Variants in LIPA observed in about 807,000 individuals in gnomAD.
LIPA encodes the protein lipase A, lysosomal acid type.
LIPA carries 26 observed loss-of-function variants against 40.6 expected under a neutral mutation model. The observed-to-expected ratio is 0.64, with a 90% CI of 0.47 to 0.89. The LOEUF is 0.89. LIPA is among the 40% of genes least tolerant of loss of function. LIPA has a pLI of 0.00. For missense variants in LIPA, 455 were observed against 479.6 expected, an observed-to-expected ratio of 0.95 and a Z score of 0.48; for synonymous variants, 188 against 168.4, an observed-to-expected ratio of 1.12 and a Z score of -0.90.
chr10:89,393,263 C>T lies in LIPA; in HGVS notation c.61+19528G>A. The T allele has an allele frequency of 7.0e-6, 9 of 1,289,732 alleles. No homozygotes were observed. In the South Asian group the frequency reaches 1.1e-4, roughly 16 times the overall value. The allele number at this position is 1,289,732 out of a possible 1,614,324, so 79.9% of individuals were successfully genotyped here. ...CTGGTCTCACTTTCTGCACTGCTGG[C>T]CTCTTACAACAGGTTTTCGCAATCA... is the stretch of plus-strand genomic sequence containing the variant. On this transcript the variant is annotated intron_variant, in intron 2 of 8. Transcript: ENST00000371837.
chr10:89,306,837 A>T, intron 1 of LIPA: 1 of 1,614,124 alleles, frequency 6.2e-7, no homozygotes, highest in Non-Finnish European at 8.5e-7. Context: ...TATAGGGCAA[A>T]AGTCTTCCAA....
intron 1 of LIPA, among the ~76,000 whole-genome samples, chr10:89,265,460 CAT>C (rs763740665): frequency 2.3e-4 from 35 of 152,376 alleles, no homozygotes; most frequent in Non-Finnish European, 4.4e-4. Flanking sequence ...AATCAGTAAA[CAT>C]ATCCTTTTGT....
rs1441159273 is a variant in LIPA, at chr10:89,267,722, A to C, written c.-1-20073T>G. 2.7e-5 allele frequency among the ~76,000 whole-genome samples: 3 copies of C among 110,854 alleles called. No individual in the cohort carries two copies. The Admixed American group carries it at 3.1e-4, about 11-fold the overall frequency. The allele number at this position is 110,854 out of a possible 152,430, so 72.7% of individuals were successfully genotyped here. A position where few individuals can be genotyped will look rare whatever the true frequency, so the allele number is the denominator to read the frequency against. ...TGTGCACATGTACCCTAAAACTTAA[A>C]GTATAATAAAAAAAAAAAAAGAAAC... On this transcript the variant is annotated intron_variant, in intron 1 of 5. Transcript: ENST00000282673.
At chr10:89,267,866 G>C (rs534501230) in intron 1 of LIPA, among the ~76,000 whole-genome samples, 44 of 152,082 alleles carry the variant, frequency 2.9e-4, no homozygotes, top group African/African-American at 9.6e-4. Context: ...CACTGGAACC[G>C]GCAAGTATAG....
chr10:89,267,817 G>T (rs1010012078), intron 1 of LIPA, among the ~76,000 whole-genome samples: 1 of 151,572 alleles, frequency 6.6e-6, no homozygotes, highest in Non-Finnish European at 1.5e-5. Context: ...TCTCCTGCAG[G>T]TGCCGCCTGT....
intron 1 of LIPA, chr10:89,306,283 A>G: frequency 6.2e-7 from 1 of 1,614,002 alleles, no homozygotes; most frequent in Non-Finnish European, 8.5e-7. Flanking sequence ...ACATGGGCCG[A>G]CTCTCAGACG....
At chr10:89,248,623 C>T (rs1457723778) in intron 1 of LIPA, among the ~76,000 whole-genome samples, 1 of 150,146 alleles carries the variant, frequency 6.7e-6, no homozygotes, top group East Asian at 2.0e-4. Context: ...TACAGGCGCC[C>T]GCCACCACGC....
chr10:89,307,653 T>G, intron 1 of LIPA: 1 of 321,260 alleles, frequency 3.1e-6, no homozygotes, highest in Non-Finnish European at 5.8e-6. Flanking sequence ...ACTGTAACAT[T>G]TGCTTAGTCA....
intron 1 of LIPA, chr10:89,338,220 A>G (rs1564791705): frequency 6.2e-6 from 1 of 161,570 alleles, no homozygotes; most frequent in East Asian, 1.7e-4. Flanking sequence ...GGCAAGTCCC[A>G]TAATCTGTTG....
chr10:89,382,226 G>T (rs1314729359), intron 2 of LIPA, among the ~76,000 whole-genome samples: 3 of 152,164 alleles, frequency 2.0e-5, no homozygotes, highest in Non-Finnish European at 2.9e-5. Context: ...GAGAGTAAGA[G>T]AAAATTTCAT....
At chr10:89,378,662 G>T (rs1844139693) in intron 2 of LIPA, among the ~76,000 whole-genome samples, 1 of 152,174 alleles carries the variant, frequency 6.6e-6, no homozygotes, top group Non-Finnish European at 1.5e-5. Flanking sequence ...AAGAGTTTTG[G>T]AGTTAATAAA....
At chr10:89,267,227 A>G (rs971359903) in intron 1 of LIPA, among the ~76,000 whole-genome samples, 1 of 152,190 alleles carries the variant, frequency 6.6e-6, no homozygotes, top group African/African-American at 2.4e-5. Flanking sequence ...CAAACAGACT[A>G]TTTAACAGTT....
intron 2 of LIPA, chr10:89,384,288 T>C (rs768589556): frequency 1.2e-6 from 2 of 1,614,210 alleles, no homozygotes; most frequent in Admixed American, 3.3e-5. Flanking sequence ...TTCAATTGGC[T>C]ATATGCAAAT....
intron 1 of LIPA, among the ~76,000 whole-genome samples, chr10:89,285,693 C>T (rs1483228405): frequency 3.3e-5 from 5 of 151,968 alleles, no homozygotes; most frequent in African/African-American, 1.2e-4. Context: ...TCTCCACTTT[C>T]CTGGGGGGCA....
At chr10:89,378,670 A>AT (rs1320264496) in intron 2 of LIPA, among the ~76,000 whole-genome samples, 1 of 152,248 alleles carries the variant, frequency 6.6e-6, no homozygotes, top group Non-Finnish European at 1.5e-5. Flanking sequence ...TGGAGTTAAT[A>AT]AAGTCCATAG....
intron 3 of LIPA, among the ~76,000 whole-genome samples, chr10:89,236,519 G>A (rs139824163): frequency 9.1e-4 from 139 of 152,192 alleles, no homozygotes; most frequent in African/African-American, 3.3e-3. Flanking sequence ...AGAACTAATA[G>A]TGATCTGGGA....
At chr10:89,328,073 C>A in intron 1 of LIPA, 1 of 1,613,918 alleles carries the variant, frequency 6.2e-7, no homozygotes, top group South Asian at 1.1e-5. Context: ...AGAGGGCAGT[C>A]ATGAGGTCAG....
chr10:89,379,031 G>T (rs974166813), intron 2 of LIPA, among the ~76,000 whole-genome samples: 4 of 152,158 alleles, frequency 2.6e-5, no homozygotes, highest in African/African-American at 9.7e-5. Context: ...TACTCTTTTA[G>T]GCATCCAGGT....
In LIPA at chr10:89,223,695, T is replaced by G. The variant is rs1842729609; in HGVS notation, c.811A>C (p.Asn271His). 6.2e-7 allele frequency: 1 copy of G among 1,611,608 alleles called. No homozygotes were observed. The highest frequency in any genetic ancestry group is 8.5e-7 in the Non-Finnish European group (1 of 1,177,916). Residue 271 changes from asparagine to histidine, a missense_variant, in exon 7 of 10, where the codon AAT becomes CAT. Asn to His is a moderately conservative substitution (Grantham distance 68, BLOSUM62 1). Coordinates refer to ENST00000336233, the MANE Select transcript of LIPA (RefSeq NM_000235.4). Reference sequence around the variant, plus strand: ...ATAAACATGCATACCATATTTAAATTTCTCTCATTAAATCCACACAGAAGA... The same window carrying G: ...ATAAACATGCATACCATATTTAAATGTCTCTCATTAAATCCACACAGAAGA... ...CFLLCGFNERNLNMSRVDVYT... is the reference protein window; with the variant it reads ...CFLLCGFNERHLNMSRVDVYT...
Sources: gnomAD v4.1 joint callset for allele counts (sites outside exome capture counted in the v4.1 genomes callset) on GRCh38, gnomAD v4.1.1 for gene constraint, MANE v1.5 for transcripts, NCBI Gene and HGNC (gene_info 2026-07-23, HGNC 2026-07-21) for gene names.